GNAL: variants seen among roughly 807,000 people sequenced by gnomAD.
The protein encoded by GNAL is G protein subunit alpha L.
A neutral mutation model predicts 55.1 loss-of-function variants in GNAL; 18 were observed. The ratio of observed to expected loss-of-function variants is 0.33; its 90% CI spans 0.23 to 0.48. GNAL has a LOEUF of 0.48. Ranked by LOEUF, GNAL falls within the 20% of genes least tolerant of loss-of-function variation. GNAL has a pLI of 0.99. For missense variants in GNAL, 412 were observed against 614.1 expected (o/e 0.67, Z 3.48); for synonymous variants, 253 against 237.0 (o/e 1.07, Z -0.62).
intron 9 of GNAL, among the ~76,000 whole-genome samples, chr18:11,871,901 T>G (rs192152538): frequency 6.6e-6 from 1 of 152,312 alleles, no homozygotes; most frequent in Admixed American, 6.5e-5. Flanking sequence ...TGTTTAAGAT[T>G]TCTTGTTGTT....
At chr18:11,745,406 A>T (rs556691378) in intron 1 of GNAL, among the ~76,000 whole-genome samples, 70 of 152,300 alleles carry the variant, frequency 4.6e-4, no homozygotes, top group Non-Finnish European at 9.3e-4. Context: ...AATCCGAAAG[A>T]CTGAAAGAGA....
chr18:11,789,802 GA>G (rs1850955224), intron 4 of GNAL, among the ~76,000 whole-genome samples: 1 of 152,240 alleles, frequency 6.6e-6, no homozygotes, highest in South Asian at 2.1e-4. Flanking sequence ...GGAAGGACGT[GA>G]AAAGCTTAGA....
rs531570366 is a variant in GNAL, at chr18:11,869,132, TA to T, written c.1031+470del. On this transcript the variant is annotated intron_variant, in intron 9 of 11. Coordinates refer to ENST00000334049, the MANE Select transcript of GNAL (RefSeq NM_182978.4). ...GTATAGATATACTTAAAATGTGGAA[TA>T]TTTTTTTTTATTATTTTTTTTTTAT... Among the ~76,000 whole-genome samples the T allele has an allele frequency of 1.7e-3, 243 of 140,624 alleles. 1 individual carries two copies. Among genetic ancestry groups the T allele is most frequent in the African/African-American group, 6.4e-3 (216 of 33,966 alleles). 92.3% of individuals were successfully genotyped at this position (140,624 alleles called of 152,430 possible). A position where few individuals can be genotyped will look rare whatever the true frequency, so the allele number is the denominator to read the frequency against.
intron 5 of GNAL, chr18:11,851,401 A>C (rs2035860006): frequency 1.5e-6 from 2 of 1,322,184 alleles, no homozygotes; most frequent in Non-Finnish European, 1.0e-6. Flanking sequence ...CAGTAGAAAC[A>C]GGAAGTGGGA....
chr18:11,830,915 G>A (rs2035366437), intron 5 of GNAL, among the ~76,000 whole-genome samples: 2 of 152,194 alleles, frequency 1.3e-5, no homozygotes, highest in Non-Finnish European at 2.9e-5. Context: ...TATATGAAAT[G>A]ACCAGAATAG....
intron 2 of GNAL, 64 bp from the exon 3 acceptor site, chr18:11,753,564 A>G: frequency 9.6e-7 from 1 of 1,037,648 alleles, no homozygotes; most frequent in South Asian, 1.3e-5. Flanking sequence ...TTAAAATCCC[A>G]CTCAATTGAT....
At chr18:11,790,661 C>CT (rs397941591) in intron 4 of GNAL, among the ~76,000 whole-genome samples, 24,675 of 71,628 alleles carry the variant, frequency 0.34, 3,714 homozygotes, top group African/African-American at 0.5. Flanking sequence ...CTTTTTTTTT[C>CT]TTTTTTTTTT....
rs544189187 is a variant in GNAL, at chr18:11,715,331, G to C, written c.376+25392G>C. 4.7e-3 allele frequency among the ~76,000 whole-genome samples: 712 copies of C among 151,072 alleles called. 6 individuals are homozygous for C. Among genetic ancestry groups the C allele is most frequent in the African/African-American group, 0.016 (662 of 41,178 alleles). Reference sequence around the variant, plus strand: ...AAAAAATTAGCCAGGCGTGGTGGTGGGCACCTGTAGTCCCAGCTACTCGGG... The same window carrying C: ...AAAAAATTAGCCAGGCGTGGTGGTGCGCACCTGTAGTCCCAGCTACTCGGG... On this transcript the variant is annotated intron_variant, in intron 1 of 11. Transcript: ENST00000334049.
Position 11,872,155 on chromosome 18 carries a change from C to T in GNAL, c.1032-113C>T, listed in dbSNP as rs2071139. 0.23 allele frequency: 152,174 copies of T among 673,126 alleles called. 19,174 individuals are homozygous for T. The highest frequency in any genetic ancestry group is 0.4 in the African/African-American group (21,538 of 53,270). 41.7% of individuals were successfully genotyped at this position (673,126 alleles called of 1,614,324 possible). A position where few individuals can be genotyped will look rare whatever the true frequency, so the allele number is the denominator to read the frequency against. ...CTGGTGTACTGAACTTTCTTGAATC[C>T]TATACATTTTTAGGAAGACGATGGT... On this transcript the variant is annotated intron_variant, in intron 9 of 11. Transcript: ENST00000334049.
chr18:11,709,386 A>T (rs1272145574), intron 1 of GNAL, among the ~76,000 whole-genome samples: 2 of 149,490 alleles, frequency 1.3e-5, no homozygotes, highest in Non-Finnish European at 3.0e-5. Flanking sequence ...TTGACTCAGT[A>T]GGTAGCTTTG....
intron 9 of GNAL, among the ~76,000 whole-genome samples, chr18:11,869,130 A>T (rs956245682): frequency 1.4e-5 from 2 of 146,028 alleles, no homozygotes; most frequent in African/African-American, 5.5e-5. Context: ...TAAAATGTGG[A>T]ATATTTTTTT....
At chr18:11,780,281 T>C (rs1401250071) in intron 4 of GNAL, among the ~76,000 whole-genome samples, 1 of 152,178 alleles carries the variant, frequency 6.6e-6, no homozygotes, top group Non-Finnish European at 1.5e-5. Context: ...TCCAGGGACT[T>C]TTCCTGTGTG....
At chr18:11,832,273 C>A (rs1454260890) in intron 5 of GNAL, among the ~76,000 whole-genome samples, 11 of 152,154 alleles carry the variant, frequency 7.2e-5, no homozygotes, top group Non-Finnish European at 4.4e-5. Context: ...TGATAAGCTC[C>A]TTTAGGGTAC....
intron 4 of GNAL, among the ~76,000 whole-genome samples, chr18:11,809,189 C>T (rs139529413): frequency 0.016 from 2,443 of 151,938 alleles, 30 homozygotes; most frequent in Middle Eastern, 0.078. Context: ...ACCTGGGAAG[C>T]GGAAGTTGCA....
At chr18:11,717,236 G>A (rs1218638628) in intron 1 of GNAL, among the ~76,000 whole-genome samples, 1 of 152,228 alleles carries the variant, frequency 6.6e-6, no homozygotes, top group Non-Finnish European at 1.5e-5. Context: ...ACGCCCACCC[G>A]GAAGTCACAC....
intron 4 of GNAL, among the ~76,000 whole-genome samples, chr18:11,766,868 G>A (rs2033422881): frequency 6.6e-6 from 1 of 152,196 alleles, no homozygotes; most frequent in African/African-American, 2.4e-5. Context: ...CAGGCAGGAC[G>A]TTTGGAGGGC....
chr18:11,867,583 G>C (rs1489266220), intron 8 of GNAL, among the ~76,000 whole-genome samples: 5 of 152,062 alleles, frequency 3.3e-5, no homozygotes, highest in Non-Finnish European at 1.5e-5. Flanking sequence ...GGGAGGCCGA[G>C]GCGGGCAGAT....
intron 4 of GNAL, among the ~76,000 whole-genome samples, chr18:11,778,308 A>G (rs993852769): frequency 6.6e-6 from 1 of 152,110 alleles, no homozygotes; most frequent in African/African-American, 2.4e-5. Context: ...TGACCCACCC[A>G]TTCATGGTTT....
At chr18:11,761,423 C>T (rs1163955419) in intron 4 of GNAL, among the ~76,000 whole-genome samples, 14 of 152,248 alleles carry the variant, frequency 9.2e-5, no homozygotes, top group Admixed American at 9.2e-4. Flanking sequence ...ATGGACCTCC[C>T]TTCCTGCCTG....
Sources: allele counts gnomAD v4.1 joint callset (sites outside exome capture counted in the v4.1 genomes callset), GRCh38; gene constraint gnomAD v4.1.1; transcripts MANE v1.5; gene names NCBI Gene and HGNC (gene_info 2026-07-23, HGNC 2026-07-21).